The following ZNF773 variants were observed in gnomAD, a reference collection of about 807,000 sequenced individuals.
ZNF773 encodes zinc finger protein 773.
A neutral mutation model predicts 12.8 loss-of-function variants in ZNF773; 11 were observed. That is an observed-to-expected ratio of 0.86 (90% confidence interval 0.54 to 1.42). ZNF773 has a LOEUF of 1.42. ZNF773 is among the 40% of genes most tolerant of loss of function. The pLI is 0.00. For missense variants in ZNF773, 518 were observed against 527.2 expected, an observed-to-expected ratio of 0.98 and a Z score of 0.17; for synonymous variants, 175 against 178.4, an observed-to-expected ratio of 0.98 and a Z score of 0.15.
rs1344204443 is a variant in ZNF773, at chr19:57,503,000, G to GT, written c.34-1651dup. Among the ~76,000 whole-genome samples the GT allele has an allele frequency of 3.3e-5, 5 of 152,270 alleles. No individual in the cohort carries two copies. In the East Asian group the frequency reaches 9.7e-4, roughly 29 times the overall value. On this transcript the variant is annotated intron_variant, in intron 1 of 3. Transcript: ENST00000282292. ...GCCACAGCGCCTAGCCAGAGTCTGT[G>GT]TTTTTTAAGTAGATATGGGCAGATT...
chr19:57,509,205 A>G (rs896724636), downstream of ZNF773, among the ~76,000 whole-genome samples: 9 of 152,166 alleles, frequency 5.9e-5, no homozygotes, highest in African/African-American at 1.4e-4. Flanking sequence ...TTGGTGTTCT[A>G]TTCTCTTACT....
At position 57,506,915 on chromosome 19, in the gene ZNF773, C is replaced by G. The variant is rs775678935; in HGVS notation, c.820C>G (p.Pro274Ala). Residue 274 changes from proline to alanine, a missense_variant, in exon 4 of 4, where the codon CCT (proline) becomes GCT (alanine). Physicochemically the swap from Pro to Ala is conservative, Grantham distance 27 (BLOSUM62 -1). Transcript: ENST00000282292. ...CCAGAGAGTTCACACTGGAGAAAAG[C>G]CTTTTACATGCAGTGAATGTGGAAA... is the stretch of plus-strand genomic sequence containing the variant. ...QHQRVHTGEK[P>A]FTCSECGKAF... The G allele has an allele frequency of 6.8e-6, 11 of 1,614,024 alleles. No homozygotes were observed. The South Asian group carries it at 7.7e-5, about 11-fold the overall frequency.
At chr19:57,516,914 G>A (rs536351853), downstream of ZNF773, 8 of 152,332 alleles carry the variant, frequency 5.3e-5, no homozygotes, top group South Asian at 6.2e-4. Context: ...ACATCTCTTC[G>A]CTACATCCCA....
chr19:57,503,277 A>G (rs1213326888), intron 1 of ZNF773, among the ~76,000 whole-genome samples: 1 of 152,266 alleles, frequency 6.6e-6, no homozygotes, highest in East Asian at 1.9e-4. Flanking sequence ...TTGAGGTCCT[A>G]TTGGTAATGC....
chr19:57,505,779 C>T (rs1436496437), intron 3 of ZNF773, among the ~76,000 whole-genome samples: 4 of 147,012 alleles, frequency 2.7e-5, no homozygotes, highest in South Asian at 4.5e-4. Context: ...GGCGTGATCT[C>T]GGCTCACTGC....
downstream of ZNF773, among the ~76,000 whole-genome samples, chr19:57,512,400 ATTTTTTTTT>A (rs747914066): frequency 8.8e-6 from 1 of 113,296 alleles, no homozygotes; most frequent in South Asian, 3.0e-4. Flanking sequence ...AAGATGCAGT[ATTTTTTTTT>A]TTTTTTTTTT....
downstream of ZNF773, among the ~76,000 whole-genome samples, chr19:57,510,260 CTT>C (rs1280884694): frequency 6.6e-6 from 1 of 152,172 alleles, no homozygotes; most frequent in Non-Finnish European, 1.5e-5. Flanking sequence ...AATTCAAACT[CTT>C]TGTTAATCTG....
intron 1 of ZNF773, among the ~76,000 whole-genome samples, chr19:57,502,046 G>A (rs149024754): frequency 7.2e-5 from 11 of 152,246 alleles, no homozygotes; most frequent in African/African-American, 2.2e-4. Context: ...AGGTTCAAGC[G>A]ATTCTCCTGT....
chr19:57,508,364 T>C (rs1348257837), downstream of ZNF773: 8 of 422,270 alleles, frequency 1.9e-5, no homozygotes, highest in Admixed American at 5.1e-4. Context: ...TCTCACTGAG[T>C]TTGGAGTTGG....
At position 57,504,748 on chromosome 19, in the gene ZNF773, A is replaced by G. The variant is rs149667954; in HGVS notation, c.125A>G (p.Asn42Ser). ...GACGCTCAGAGGCTCCTCTACCGCAATGTGATGCTGGAGAACTTTACACTT... is the reference window on the plus strand; with the variant it reads ...GACGCTCAGAGGCTCCTCTACCGCAGTGTGATGCTGGAGAACTTTACACTT... ...LDDAQRLLYRNVMLENFTLLA... is the reference protein window; with the variant it reads ...LDDAQRLLYRSVMLENFTLLA... Residue 42 changes from asparagine (N) to serine (S), a missense_variant, in exon 2 of 4, where the codon AAT becomes AGT. Transcript: ENST00000282292. 13 of 1,613,644 alleles carry G rather than the reference A, an allele frequency of 8.1e-6. No individual in the cohort carries two copies. The African/African-American group carries it at 1.5e-4, about 18-fold the overall frequency.
At chr19:57,515,148 T>A (rs2089824006), downstream of ZNF773, 1 of 152,222 alleles carries the variant, frequency 6.6e-6, no homozygotes, top group African/African-American at 2.4e-5. Context: ...AAAAGCACCC[T>A]AGAACCAGAG....
chr19:57,502,748 G>A (rs1424955840), intron 1 of ZNF773, among the ~76,000 whole-genome samples: 12 of 152,146 alleles, frequency 7.9e-5, no homozygotes, highest in African/African-American at 2.9e-4. Flanking sequence ...CTGGAGTGCA[G>A]TGGCATGATC....
chr19:57,510,625 A>T (rs1236118806), downstream of ZNF773, among the ~76,000 whole-genome samples: 2 of 152,158 alleles, frequency 1.3e-5, no homozygotes, highest in Admixed American at 1.3e-4. Flanking sequence ...ACTAGATCTA[A>T]TAATTGAGTT....
chr19:57,514,624 A>G (rs2089820644), downstream of ZNF773: 1 of 152,178 alleles, frequency 6.6e-6, no homozygotes, highest in Admixed American at 6.5e-5. Context: ...TGGCTTTTTT[A>G]TCCAATCAGA....
rs1454417833 is a variant in ZNF773 at position 57,506,623 on chromosome 19, G to T, written c.528G>T (p.Arg176Ser). 1 of 1,614,196 alleles carries T rather than the reference G, an allele frequency of 6.2e-7. No individual in the cohort carries two copies. Among genetic ancestry groups the T allele is most frequent in the Non-Finnish European group, 8.5e-7 (1 of 1,180,030 alleles). Reference protein sequence around the residue: ...QVTHTGEKSHRSSKSREAFHA... With the variant: ...QVTHTGEKSHSSSKSREAFHA... ...CTCACACGGGAGAGAAGTCACATAG[G>T]AGCTCCAAAAGTAGGGAGGCCTTTC... Residue 176 changes from arginine (R) to serine (S), a missense_variant, in exon 4 of 4, where the codon AGG becomes AGT. Physicochemically the swap from Arg to Ser is moderately radical, Grantham distance 110. Coordinates refer to ENST00000282292, the MANE Select transcript of ZNF773 (RefSeq NM_198542.3).
In ZNF773 at chr19:57,500,090, G is replaced by A; in HGVS notation, c.10G>A (p.Ala4Thr). The change falls in exon 1 of 4, where the codon GCC becomes ACC. Residue 4 changes from alanine (A) to threonine (T), a missense_variant. Transcript: ENST00000282292. MAA[A>T]TLRDPAQQGY... ...ACCGCCACAGGCTCCGATGGCGGCG[G>A]CCACGCTGAGGGACCCCGCTCAGGT... The A allele has an allele frequency of 6.2e-7, 1 of 1,604,808 alleles. No homozygotes were observed. The highest frequency in any genetic ancestry group is 8.5e-7 in the Non-Finnish European group (1 of 1,177,256).
At chr19:57,512,229 A>T (rs1392544831), downstream of ZNF773, among the ~76,000 whole-genome samples, 1 of 152,192 alleles carries the variant, frequency 6.6e-6, no homozygotes, top group East Asian at 1.9e-4. Context: ...ATTCATTGAA[A>T]TAAGTATGTC....
In ZNF773 at chr19:57,507,468, C is replaced by T. The variant is rs111525882; in HGVS notation, c.*44C>T. On this transcript the variant is annotated 3_prime_UTR_variant, in exon 4 of 4. Transcript: ENST00000282292. ...CTGGTGTTTCAACCTCATTCAACAC[C>T]AGAAAGTTCACAGTGTAAAAAAGTC... 3 of 1,543,320 alleles carry T rather than the reference C, an allele frequency of 1.9e-6. No homozygotes were observed. Among genetic ancestry groups the T allele is most frequent in the Non-Finnish European group, 2.6e-6 (3 of 1,151,180 alleles).
downstream of ZNF773, among the ~76,000 whole-genome samples, chr19:57,512,131 A>G (rs72490762): frequency 1.1e-4 from 16 of 152,352 alleles, no homozygotes; most frequent in East Asian, 2.9e-3. Flanking sequence ...CAGGTTTGAA[A>G]TGTACAGGTC....
Sources: allele counts gnomAD v4.1 joint callset (sites outside exome capture counted in the v4.1 genomes callset), GRCh38; gene constraint gnomAD v4.1.1; transcripts MANE v1.5; gene names NCBI Gene and HGNC (gene_info 2026-07-23, HGNC 2026-07-21).